Variants in RYR3 observed in about 807,000 individuals in gnomAD.
The protein encoded by RYR3 is ryanodine receptor 3, also known as brain ryanodine receptor-calcium release channel.
Under a neutral mutation model 584.3 loss-of-function variants are expected in RYR3, and 207 were observed. That is an observed-to-expected ratio of 0.35 (90% CI 0.32 to 0.40). RYR3 has a LOEUF of 0.40. Among genes scored for constraint, RYR3 ranks in the 10% least tolerant of loss-of-function variants. RYR3 has a pLI of 1.00. For synonymous variants in RYR3, 2,416 were observed against 2,248.5 expected, an observed-to-expected ratio of 1.07 and a Z score of -2.11; for missense variants, 5,616 against 6,089.2, an observed-to-expected ratio of 0.92 and a Z score of 2.59.
At chr15:33,435,761 C>T (rs1402712855) in intron 1 of RYR3, among the ~76,000 whole-genome samples, 2 of 152,140 alleles carry the variant, frequency 1.3e-5, no homozygotes, top group African/African-American at 2.4e-5. Context: ...TGCAGACCCT[C>T]GCAGTGTTAC....
intron 2 of RYR3, among the ~76,000 whole-genome samples, chr15:33,490,744 T>TTA (rs561283205): frequency 1.4e-5 from 2 of 142,344 alleles, no homozygotes; most frequent in South Asian, 4.6e-4. Context: ...TTACTCTTGT[T>TTA]AAAAAAAAAA....
chr15:33,610,149 C>T (rs1453867704), intron 18 of RYR3, among the ~76,000 whole-genome samples: 1 of 152,096 alleles, frequency 6.6e-6, no homozygotes, highest in Non-Finnish European at 1.5e-5. Flanking sequence ...CTTTATTGCC[C>T]CACCATATCT....
At chr15:33,590,804 T>G (rs2059094709) in intron 16 of RYR3, among the ~76,000 whole-genome samples, 1 of 152,182 alleles carries the variant, frequency 6.6e-6, no homozygotes, top group African/African-American at 2.4e-5. Context: ...TCTCATAGGT[T>G]TGAGATGTAA....
In RYR3 at chr15:33,562,927, G is replaced by A; in HGVS notation, c.1063G>A (p.Val355Met). 2 of 1,613,840 alleles carry A rather than the reference G, an allele frequency of 1.2e-6. No homozygotes were observed. Among genetic ancestry groups the A allele is most frequent in the Non-Finnish European group, 1.7e-6 (2 of 1,179,766 alleles). The stretch of plus-strand genomic sequence containing the variant: ...CAAGTATGGAGATTCTGTCTGCTTT[G>A]TGCAGCATATAGCCAGTGGTCTGTG... ...EIKYGDSVCF[V>M]QHIASGLWVT... is the part of the protein sequence containing the mutation. Residue 355 changes from valine (V) to methionine (M), a missense_variant, in exon 11 of 104, where the codon GTG becomes ATG. Physicochemically the swap from Val to Met is conservative, Grantham distance 21. Around this residue, in one of 9 missense-constraint regions of RYR3, gnomAD observed 1,284 missense variants for 1,344.6 expected, o/e 0.95. Transcript: ENST00000634891.
At chr15:33,563,120 T>G in intron 11 of RYR3, 110 bp downstream of exon 11, 1 of 875,862 alleles carries the variant, frequency 1.1e-6, no homozygotes. Context: ...TACTTCTTAC[T>G]ATTCAGAAGA....
chr15:33,385,945 T>C (rs879701044), intron 1 of RYR3, among the ~76,000 whole-genome samples: 3 of 152,062 alleles, frequency 2.0e-5, no homozygotes, highest in Admixed American at 1.3e-4. Context: ...GCTCAAGTGA[T>C]CCTCCCGCCC....
At chr15:33,792,156 T>C (rs1194332253) in intron 67 of RYR3, among the ~76,000 whole-genome samples, 2 of 152,238 alleles carry the variant, frequency 1.3e-5, no homozygotes, top group East Asian at 1.9e-4. Context: ...GCTAAAAGCA[T>C]GGATAAAGGA....
chr15:33,469,911 T>G (rs577216010), intron 1 of RYR3, among the ~76,000 whole-genome samples: 1 of 152,124 alleles, frequency 6.6e-6, no homozygotes, highest in African/African-American at 2.4e-5. Context: ...ACTAGAAGAA[T>G]ACAGAGATGA....
intron 1 of RYR3, among the ~76,000 whole-genome samples, chr15:33,335,987 T>G (rs1326231179): frequency 6.6e-6 from 1 of 152,058 alleles, no homozygotes; most frequent in African/African-American, 2.4e-5. Context: ...AGAACAGCAA[T>G]AAATAAAAGA....
intron 1 of RYR3, among the ~76,000 whole-genome samples, chr15:33,415,576 G>T (rs192477005): frequency 6.6e-6 from 1 of 152,254 alleles, no homozygotes; most frequent in African/African-American, 2.4e-5. Context: ...TAGGAGAACA[G>T]AGGAGAAAGA....
intron 98 of RYR3, chr15:33,856,217 C>T (rs543997813): frequency 5.2e-5 from 8 of 152,386 alleles, no homozygotes; most frequent in African/African-American, 1.9e-4. Flanking sequence ...CCTAAACCAC[C>T]TGCTTTCTGT....
At chr15:33,701,113 C>A in intron 42 of RYR3, 33 bp downstream of exon 42, 2 of 1,462,032 alleles carry the variant, frequency 1.4e-6, no homozygotes, top group Non-Finnish European at 1.9e-6. Context: ...GTGTGGTGTT[C>A]TCTTCGGCCT....
chr15:33,537,757 G>GTTTC (rs1295566870), intron 5 of RYR3, among the ~76,000 whole-genome samples: 1 of 152,166 alleles, frequency 6.6e-6, no homozygotes, highest in Non-Finnish European at 1.5e-5. Context: ...CTTAGAGTGG[G>GTTTC]TTTCTAATCT....
chr15:33,469,366 T>G (rs2048741062), intron 1 of RYR3, among the ~76,000 whole-genome samples: 1 of 152,032 alleles, frequency 6.6e-6, no homozygotes, highest in Non-Finnish European at 1.5e-5. Context: ...GTTTATGTTT[T>G]TTGAGAGTGC....
chr15:33,398,732 A>G (rs1313881691), intron 1 of RYR3, among the ~76,000 whole-genome samples: 3 of 152,130 alleles, frequency 2.0e-5, no homozygotes, highest in Non-Finnish European at 4.4e-5. Flanking sequence ...GGAGGTGGGA[A>G]GGGACCAGGA....
intron 67 of RYR3, among the ~76,000 whole-genome samples, chr15:33,792,221 G>A (rs1295207979): frequency 6.6e-6 from 1 of 152,132 alleles, no homozygotes; most frequent in Non-Finnish European, 1.5e-5. Flanking sequence ...TTCAAAACTG[G>A]AGACTTTCGG....
At chr15:33,759,681 A>C (rs1024034220) in intron 60 of RYR3, among the ~76,000 whole-genome samples, 1 of 152,240 alleles carries the variant, frequency 6.6e-6, no homozygotes, top group Non-Finnish European at 1.5e-5. Flanking sequence ...GGTGTACCTG[A>C]AAGTGACGGG....
At position 33,581,523 on chromosome 15, in the gene RYR3, G is replaced by C; in HGVS notation, c.1453G>C (p.Val485Leu). The part of the protein sequence containing the change: ...LFKEEGMLAL[V>L]LNCIDRLNVY... ...TCCTTCTCAGGGAATGTTGGCCCTT[G>C]TCTTAAATTGCATTGACCGCTTAAA... The change falls in exon 14 of 104, where the codon GTC (valine) becomes CTC (leucine). Residue 485 changes from valine to leucine, a missense_variant. This residue lies in a region of RYR3 where 1,284 missense variants were observed against 1,344.6 expected (regional missense o/e 0.95). Transcript: ENST00000634891. 6.2e-7 allele frequency: 1 copy of C among 1,613,726 alleles called. No homozygotes were observed. The highest frequency in any genetic ancestry group is 2.2e-5 in the East Asian group (1 of 44,880).
At chr15:33,387,694 AT>A (rs1406660787) in intron 1 of RYR3, among the ~76,000 whole-genome samples, 4 of 151,620 alleles carry the variant, frequency 2.6e-5, no homozygotes, top group African/African-American at 7.3e-5. Context: ...AAGAGATTGG[AT>A]TTTTTTTCTT....
Sources: allele counts gnomAD v4.1 joint callset (sites outside exome capture counted in the v4.1 genomes callset), GRCh38; gene constraint gnomAD v4.1.1; regional missense constraint gnomAD v4.1.1; transcripts MANE v1.5; gene names NCBI Gene and HGNC (gene_info 2026-07-23, HGNC 2026-07-21).